Variants in MSRA observed in about 807,000 individuals in gnomAD.
The protein encoded by MSRA is mitochondrial peptide methionine sulfoxide reductase.
A neutral mutation model predicts 31.3 loss-of-function variants in MSRA; 54 were observed. That is an observed-to-expected ratio of 1.73 (90% CI 1.39 to 2.17). The LOEUF is 2.17. MSRA is among the 30% of genes most tolerant of loss of function. The pLI is 0.00. For missense variants in MSRA, 507 were observed against 300.9 expected, an observed-to-expected ratio of 1.69 and a Z score of -5.07; for synonymous variants, 169 against 116.5, an observed-to-expected ratio of 1.45 and a Z score of -2.90.
intron 5 of MSRA, among the ~76,000 whole-genome samples, chr8:10,426,281 A>G (rs986494908): frequency 1.3e-5 from 2 of 152,216 alleles, no homozygotes; most frequent in Non-Finnish European, 2.9e-5. Flanking sequence ...GAAAACTTCC[A>G]TTCCGTCAAG....
chr8:10,333,480 C>T (rs967463474), intron 5 of MSRA, among the ~76,000 whole-genome samples: 2 of 152,206 alleles, frequency 1.3e-5, no homozygotes, highest in Non-Finnish European at 2.9e-5. Context: ...AGAAAAACCA[C>T]AGGGAGGTCC....
intron 1 of MSRA, among the ~76,000 whole-genome samples, chr8:10,158,398 T>C (rs905245741): frequency 5.9e-5 from 9 of 152,236 alleles, no homozygotes; most frequent in African/African-American, 2.2e-4. Context: ...CTCCCCCAGC[T>C]ATCGGCACAA....
At chr8:10,185,004 G>A (rs1043438678) in intron 1 of MSRA, among the ~76,000 whole-genome samples, 1 of 152,198 alleles carries the variant, frequency 6.6e-6, no homozygotes, top group Non-Finnish European at 1.5e-5. Flanking sequence ...CTTTATTGCA[G>A]GGCTGAGACC....
rs117848227 is a variant in MSRA, at chr8:10,285,957, C to G, written c.332-15577C>G. ...GAAGATAAAGTGCAATTGGCCTAAA[C>G]CAGTTTGGGAACAGTCACAACTAAT... On this transcript the variant is annotated intron_variant, in intron 3 of 5. Coordinates refer to ENST00000317173, the MANE Select transcript of MSRA (RefSeq NM_012331.5). Among the ~76,000 whole-genome samples, 44 of 152,162 alleles carry G rather than the reference C, an allele frequency of 2.9e-4. 1 individual carries two copies. In the East Asian group the frequency reaches 8.1e-3, roughly 28 times the overall value.
At chr8:10,393,634 T>C (rs948928018) in intron 5 of MSRA, among the ~76,000 whole-genome samples, 11 of 152,138 alleles carry the variant, frequency 7.2e-5, no homozygotes, top group Non-Finnish European at 4.4e-5. Flanking sequence ...TCTGTGCATG[T>C]GATTATAGCG....
intron 5 of MSRA, among the ~76,000 whole-genome samples, chr8:10,370,861 T>G (rs999714928): frequency 2.6e-5 from 4 of 152,234 alleles, no homozygotes; most frequent in African/African-American, 9.6e-5. Flanking sequence ...GATATTCATC[T>G]GAGCAGATAA....
chr8:10,167,641 G>A (rs1805256233), intron 1 of MSRA, among the ~76,000 whole-genome samples: 1 of 152,134 alleles, frequency 6.6e-6, no homozygotes, highest in African/African-American at 2.4e-5. Context: ...CAGGGGAGGA[G>A]CGTACTTAGC....
At chr8:10,280,012 T>C (rs1002077760) in intron 3 of MSRA, among the ~76,000 whole-genome samples, 1 of 152,228 alleles carries the variant, frequency 6.6e-6, no homozygotes, top group South Asian at 2.1e-4. Flanking sequence ...TTTTCTAAAA[T>C]AGTTATTAAA....
At chr8:10,312,939 A>G (rs1382505535) in intron 4 of MSRA, among the ~76,000 whole-genome samples, 1 of 152,250 alleles carries the variant, frequency 6.6e-6, no homozygotes, top group African/African-American at 2.4e-5. Context: ...GTATTTAATA[A>G]TGATGCATTG....
At chr8:10,365,271 C>T (rs1398644930) in intron 5 of MSRA, among the ~76,000 whole-genome samples, 10 of 152,216 alleles carry the variant, frequency 6.6e-5, no homozygotes, top group Admixed American at 6.5e-4. Context: ...CTCCCCCGCT[C>T]CCTCCGAGCA....
chr8:10,149,229 C>T (rs1206574946), intron 1 of MSRA, among the ~76,000 whole-genome samples: 1 of 151,924 alleles, frequency 6.6e-6, no homozygotes, highest in Non-Finnish European at 1.5e-5. Context: ...TCAAGCAATT[C>T]TCCTGCCTCA....
At chr8:10,308,195 C>G (rs1305895931) in intron 4 of MSRA, among the ~76,000 whole-genome samples, 1 of 152,226 alleles carries the variant, frequency 6.6e-6, no homozygotes. Flanking sequence ...TTCTTATTCT[C>G]ATTTTCTACA....
At chr8:10,091,119 A>G (rs1179374353) in intron 1 of MSRA, among the ~76,000 whole-genome samples, 1 of 152,206 alleles carries the variant, frequency 6.6e-6, no homozygotes, top group Non-Finnish European at 1.5e-5. Flanking sequence ...TTCTTTTCCT[A>G]GGATAAATCC....
intron 5 of MSRA, among the ~76,000 whole-genome samples, chr8:10,392,681 T>C (rs78342577): frequency 5.0e-5 from 1 of 19,810 alleles, no homozygotes; most frequent in African/African-American, 8.2e-5. Flanking sequence ...CTCTCGGCCC[T>C]TTTTTTTTTT....
chr8:10,396,331 G>C (rs796667550), intron 5 of MSRA, among the ~76,000 whole-genome samples: 1 of 152,162 alleles, frequency 6.6e-6, no homozygotes, highest in Non-Finnish European at 1.5e-5. Flanking sequence ...AGTGGGAAGA[G>C]CTATGAAGGA....
intron 4 of MSRA, among the ~76,000 whole-genome samples, chr8:10,318,079 C>G (rs148646180): frequency 2.0e-5 from 3 of 152,298 alleles, no homozygotes; most frequent in Non-Finnish European, 2.9e-5. Flanking sequence ...CCAGCAGGTA[C>G]CCTACATCCA....
At chr8:10,241,383 T>C (rs1473177724) in intron 2 of MSRA, among the ~76,000 whole-genome samples, 4 of 152,152 alleles carry the variant, frequency 2.6e-5, no homozygotes, top group Non-Finnish European at 5.9e-5. Flanking sequence ...CTGCTGAAGC[T>C]TACATGAGAG....
At chr8:10,222,256 C>A (rs1326879038) in intron 2 of MSRA, among the ~76,000 whole-genome samples, 1 of 152,038 alleles carries the variant, frequency 6.6e-6, no homozygotes, top group Non-Finnish European at 1.5e-5. Context: ...CTTTATAGAC[C>A]TTCTCAAATG....
At chr8:10,056,677 T>C (rs915664672) in intron 1 of MSRA, among the ~76,000 whole-genome samples, 1 of 152,204 alleles carries the variant, frequency 6.6e-6, no homozygotes, top group East Asian at 1.9e-4. Flanking sequence ...CTGAAAGCCC[T>C]GACTGGCTCC....
Sources: allele counts gnomAD v4.1 joint callset (sites outside exome capture counted in the v4.1 genomes callset), GRCh38; gene constraint gnomAD v4.1.1; transcripts MANE v1.5; gene names NCBI Gene and HGNC (gene_info 2026-07-23, HGNC 2026-07-21).